The following FRMD8 variants were observed in gnomAD, a reference collection of about 807,000 sequenced individuals.
FRMD8 encodes FERM domain-containing protein 8.
In FRMD8, 37 loss-of-function variants were observed where a neutral mutation model predicts 54.2. The observed-to-expected ratio is 0.68, with a 90% confidence interval of 0.53 to 0.90. The LOEUF (loss-of-function observed/expected upper bound fraction) is 0.90, where lower values mean the gene tolerates loss of function less well. Ranked by LOEUF, FRMD8 falls within the 40% of genes least tolerant of loss-of-function variation. FRMD8 has a pLI of 0.00. For missense variants in FRMD8, 585 were observed against 653.7 expected, an observed-to-expected ratio of 0.89 and a Z score of 1.15; for synonymous variants, 246 against 286.9, an observed-to-expected ratio of 0.86 and a Z score of 1.44.
At chr11:65,389,134 A>G (rs78095441) in intron 2 of FRMD8, among the ~76,000 whole-genome samples, 6,850 of 152,200 alleles carry the variant, frequency 0.045, 574 homozygotes, top group African/African-American at 0.16. Flanking sequence ...TGGGTGGTTT[A>G]AGGGTGTCAA....
upstream of FRMD8, among the ~76,000 whole-genome samples, chr11:65,386,314 G>T (rs1855728900): frequency 6.6e-6 from 1 of 152,216 alleles, no homozygotes. Context: ...CACGTGCCAG[G>T]AAGTGTCCAT....
chr11:65,387,663 C>G lies in FRMD8; in HGVS notation c.85+542C>G, dbSNP rs190289214. On this transcript the variant is annotated intron_variant, in intron 2 of 10. Transcript: ENST00000317568. ...ACGCCATTCTCCTGCCTCAGCCTCC[C>G]GAGTAGCTAGGACTACAGGCGCCCG... Among the ~76,000 whole-genome samples the G allele has an allele frequency of 9.8e-3, 1,485 of 152,160 alleles. 26 individuals carry two copies. Among genetic ancestry groups the G allele is most frequent in the African/African-American group, 0.034 (1,412 of 41,510 alleles).
In FRMD8 at chr11:65,394,675, C is replaced by T. The variant is rs11600176; in HGVS notation, c.581+250C>T. Among the ~76,000 whole-genome samples, 36 of 152,308 alleles carry T rather than the reference C, an allele frequency of 2.4e-4. 1 individual carries two copies. The highest frequency in any genetic ancestry group is 2.1e-3 in the East Asian group (11 of 5,174). On this transcript the variant is annotated intron_variant, in intron 6 of 10. Transcript: ENST00000317568. ...AAGAATCTGGAGCCCTGCCTCCTGC[C>T]GGCCAGGGTCAGAGGAGCTGGGCTT... is the stretch of plus-strand genomic sequence containing the variant.
chr11:65,404,420 G>A lies in FRMD8; in HGVS notation c.1072-444G>A, dbSNP rs768699498. Among the ~76,000 whole-genome samples, 2 of 151,960 alleles carry A rather than the reference G, an allele frequency of 1.3e-5. No homozygotes were observed. The highest frequency in any genetic ancestry group is 2.9e-5 in the Non-Finnish European group (2 of 67,984). On this transcript the variant is annotated intron_variant, in intron 9 of 10. Transcript: ENST00000317568. This position sits in a 1 kb window ranked among gnomAD's most constrained non-coding sequence, Gnocchi z 4.7. ...TGAGTAGGAGTCACTTTTGAAGAAC[G>A]TGCTGGCAGGGAGCCGCCCGCCCCT...
intron 9 of FRMD8, 140 bp downstream of exon 9, chr11:65,401,007 A>T: frequency 1.0e-6 from 1 of 974,698 alleles, no homozygotes; most frequent in South Asian, 1.7e-5. Context: ...CCTGGGCACA[A>T]GGGGTGCCTT....
the FRMD8 span, among the ~76,000 whole-genome samples, chr11:65,374,360 A>ATGTGCCCAGGTGGAGCAGGGT: frequency 4.6e-5 from 7 of 152,020 alleles, no homozygotes; most frequent in Admixed American, 1.3e-4. Flanking sequence ...CAGGGTAGCT[A>ATGTGCCCAGGTGGAGCAGGGT]AGTAACTGGA....
the FRMD8 span, among the ~76,000 whole-genome samples, chr11:65,368,897 G>C: frequency 1.3e-5 from 2 of 152,042 alleles, no homozygotes; most frequent in Non-Finnish European, 2.9e-5. Flanking sequence ...CTAACACAGG[G>C]GTCTCTGCTT....
chr11:65,408,355 T>C (rs1163591745), intron 10 of FRMD8, among the ~76,000 whole-genome samples: 3 of 152,042 alleles, frequency 2.0e-5, no homozygotes, highest in Non-Finnish European at 2.9e-5. Flanking sequence ...ATTACAGTCG[T>C]GAGCCACCGC....
chr11:65,398,534 C>T (rs952552493), intron 7 of FRMD8, among the ~76,000 whole-genome samples: 9 of 152,226 alleles, frequency 5.9e-5, no homozygotes, highest in South Asian at 2.1e-4. Context: ...CAGCTCCTAG[C>T]GCATGCCCCG....
rs549465756 is a variant in FRMD8, at chr11:65,392,790, T to C, written c.254-783T>C. On this transcript the variant is annotated intron_variant, in intron 3 of 10. Transcript: ENST00000317568. Reference sequence around the variant, plus strand: ...GTGAAGGCAAACAGATGTGGCACCATTGGGGTGATGGAAAATTTTGAGGAG... The same window carrying C: ...GTGAAGGCAAACAGATGTGGCACCACTGGGGTGATGGAAAATTTTGAGGAG... 2.0e-4 allele frequency among the ~76,000 whole-genome samples: 30 copies of C among 151,958 alleles called. No homozygotes were observed. In the South Asian group the frequency reaches 6.2e-3, roughly 32 times the overall value.
At chr11:65,389,562 G>T in intron 3 of FRMD8, 34 bp downstream of exon 3, 1 of 1,537,798 alleles carries the variant, frequency 6.5e-7, no homozygotes. Flanking sequence ...CAGGCTGGAG[G>T]GTTGGAAGGG....
chr11:65,391,180 C>T (rs117446487), intron 3 of FRMD8, among the ~76,000 whole-genome samples: 2,660 of 152,362 alleles, frequency 0.017, 46 homozygotes, highest in Non-Finnish European at 0.025. Context: ...TGTCACTCTG[C>T]GTGGAACAGG....
At chr11:65,376,660 A>C in the FRMD8 span, 1 of 1,613,752 alleles carries the variant, frequency 6.2e-7, no homozygotes, top group African/African-American at 1.3e-5. Context: ...CCCTGCCACC[A>C]GCACCGTGGC....
At chr11:65,380,020 C>T in the FRMD8 span, 3 of 1,591,174 alleles carry the variant, frequency 1.9e-6, no homozygotes, top group Non-Finnish European at 2.6e-6. Flanking sequence ...AGCGGGATGC[C>T]AACCAGCAGG....
the FRMD8 span, chr11:65,376,433 C>A: frequency 2.5e-6 from 4 of 1,614,036 alleles, no homozygotes; most frequent in Non-Finnish European, 3.4e-6. Flanking sequence ...AGGAGATATT[C>A]GTAGCTGAGG....
chr11:65,394,118 T>G lies in FRMD8; in HGVS notation c.414+19T>G. The stretch of plus-strand genomic sequence containing the variant: ...GCTCCAGGTGAGGCAGGAGCCCTGG[T>G]GGCCCCACCAGGCCTGGCCCCTTGT... On this transcript the variant is annotated intron_variant, in intron 5 of 10. Coordinates refer to ENST00000317568, the MANE Select transcript of FRMD8 (RefSeq NM_031904.5). The G allele has an allele frequency of 6.2e-7, 1 of 1,613,016 alleles. No individual in the cohort carries two copies. The highest frequency in any genetic ancestry group is 8.5e-7 in the Non-Finnish European group (1 of 1,179,348).
upstream of FRMD8, chr11:65,386,618 C>G (rs1855735023): frequency 5.5e-6 from 1 of 182,818 alleles, no homozygotes; most frequent in Non-Finnish European, 1.1e-5. Flanking sequence ...GCCGCGCTTC[C>G]TCCCGCCGTG....
intron 10 of FRMD8, among the ~76,000 whole-genome samples, chr11:65,410,205 A>C (rs1211433711): frequency 6.6e-6 from 1 of 152,178 alleles, no homozygotes; most frequent in Non-Finnish European, 1.5e-5. Flanking sequence ...TCTACCAAAA[A>C]TACAAAAATT....
Position 65,396,959 on chromosome 11 carries a change from G to A in FRMD8, c.742G>A (p.Ala248Thr), listed in dbSNP as rs769467705. The A allele has an allele frequency of 6.0e-6, 9 of 1,511,224 alleles. No homozygotes were observed. Among genetic ancestry groups the A allele is most frequent in the Non-Finnish European group, 8.0e-6 (9 of 1,126,854 alleles). The allele number at this position is 1,511,224 out of a possible 1,614,324, so 93.6% of individuals were successfully genotyped here. A position where few individuals can be genotyped will look rare whatever the true frequency, so the allele number is the denominator to read the frequency against. Residue 248 changes from alanine (A) to threonine (T), a missense_variant, in exon 7 of 11, where the codon GCC becomes ACC. Physicochemically the swap from Ala to Thr is moderately conservative, Grantham distance 58 (BLOSUM62 0). Coordinates refer to ENST00000317568, the MANE Select transcript of FRMD8 (RefSeq NM_031904.5). ...GGTCAGCAGCGACGGCGGGTGCGAG[G>A]CCGCCCTGGGCACCCACTACCGCGC... ...QEVSSDGGCE[A>T]ALGTHYRAYL...
Sources: allele counts gnomAD v4.1 joint callset (sites outside exome capture counted in the v4.1 genomes callset), GRCh38; gene constraint gnomAD v4.1.1; non-coding constraint Gnocchi (gnomAD v3.1); transcripts MANE v1.5; gene names NCBI Gene and HGNC (gene_info 2026-07-23, HGNC 2026-07-21).